ZNF804B: variants seen among roughly 807,000 people sequenced by gnomAD.
ZNF804B encodes zinc finger protein 804B.
ZNF804B carries 80 observed loss-of-function variants against 101.4 expected under a neutral mutation model. That is an observed-to-expected ratio of 0.79 (90% CI 0.66 to 0.95). The LOEUF (loss-of-function observed/expected upper bound fraction) is 0.95, where lower values mean the gene tolerates loss of function less well. ZNF804B is among the 40% of genes least tolerant of loss of function. The pLI, the probability that ZNF804B is intolerant of heterozygous loss-of-function variation, is 0.00. For missense variants in ZNF804B, 1,673 were observed against 1,561.9 expected (o/e 1.07, Z -1.20); for synonymous variants, 622 against 558.8 (o/e 1.11, Z -1.59).
chr7:89,246,792 C>T lies in ZNF804B; in HGVS notation c.249+28497C>T, dbSNP rs149581864. 3.2e-3 allele frequency among the ~76,000 whole-genome samples: 483 copies of T among 152,254 alleles called. 4 individuals carry two copies. Among genetic ancestry groups the T allele is most frequent in the African/African-American group, 0.011 (450 of 41,558 alleles). On this transcript the variant is annotated intron_variant, in intron 2 of 3. Coordinates refer to ENST00000333190, the MANE Select transcript of ZNF804B (RefSeq NM_181646.5). ...ATAGATTGTGGTGCAATAGGACCCT[C>T]TCTACTCCATACTTAGGCATATCTC...
At chr7:88,874,626 T>C (rs954237531) in intron 1 of ZNF804B, among the ~76,000 whole-genome samples, 3 of 152,188 alleles carry the variant, frequency 2.0e-5, no homozygotes, top group African/African-American at 7.2e-5. Flanking sequence ...ATAGCTCTTA[T>C]TATTTTGAGA....
intron 1 of ZNF804B, among the ~76,000 whole-genome samples, chr7:88,796,602 T>C (rs1444264379): frequency 1.3e-5 from 2 of 152,140 alleles, no homozygotes; most frequent in Non-Finnish European, 2.9e-5. Context: ...TACTGCACTT[T>C]CTTGGATTTC....
intron 1 of ZNF804B, among the ~76,000 whole-genome samples, chr7:89,091,823 T>A (rs1789892510): frequency 1.3e-5 from 2 of 152,166 alleles, no homozygotes; most frequent in South Asian, 4.1e-4. Context: ...GGTTTTCTTC[T>A]CTCCTTGTCT....
At chr7:88,801,347 T>C (rs1039423724) in intron 1 of ZNF804B, among the ~76,000 whole-genome samples, 14 of 151,982 alleles carry the variant, frequency 9.2e-5, no homozygotes, top group Non-Finnish European at 1.8e-4. Context: ...GGAGGACTTC[T>C]ATGCCACGCT....
chr7:89,288,476 A>G (rs1267895676), intron 2 of ZNF804B, among the ~76,000 whole-genome samples: 3 of 152,230 alleles, frequency 2.0e-5, no homozygotes, highest in Admixed American at 6.5e-5. Flanking sequence ...AACACAGCTG[A>G]CAAGATCTAC....
At chr7:89,090,566 G>A (rs983259348) in intron 1 of ZNF804B, among the ~76,000 whole-genome samples, 1 of 151,922 alleles carries the variant, frequency 6.6e-6, no homozygotes, top group African/African-American at 2.4e-5. Flanking sequence ...GTATTTAGTA[G>A]CCTCATGATG....
intron 1 of ZNF804B, among the ~76,000 whole-genome samples, chr7:88,997,803 T>C (rs534981982): frequency 6.6e-6 from 1 of 152,258 alleles, no homozygotes; most frequent in African/African-American, 2.4e-5. Context: ...ATCGCACCAC[T>C]CAAAATTTGG....
At chr7:88,760,374 A>G (rs956662827) in intron 1 of ZNF804B, among the ~76,000 whole-genome samples, 8 of 152,240 alleles carry the variant, frequency 5.3e-5, no homozygotes, top group Non-Finnish European at 1.0e-4. Context: ...CTCAGAAGGT[A>G]GCTCCTCTGT....
intron 2 of ZNF804B, among the ~76,000 whole-genome samples, chr7:89,326,952 AC>A (rs1461814015): frequency 6.8e-6 from 1 of 146,606 alleles, no homozygotes; most frequent in African/African-American, 2.8e-5. Context: ...TAATAGCATC[AC>A]TTTTACAAGT....
intron 1 of ZNF804B, among the ~76,000 whole-genome samples, chr7:89,089,775 G>C (rs747132749): frequency 1.3e-5 from 2 of 151,908 alleles, no homozygotes; most frequent in Non-Finnish European, 2.9e-5. Context: ...TAAAATGCAG[G>C]TGTTGTATTT....
At chr7:89,163,822 C>A (rs1791103366) in intron 1 of ZNF804B, among the ~76,000 whole-genome samples, 1 of 151,920 alleles carries the variant, frequency 6.6e-6, no homozygotes, top group Admixed American at 6.6e-5. Context: ...AGGTGTCGTC[C>A]TTTAAATGAA....
intron 1 of ZNF804B, among the ~76,000 whole-genome samples, chr7:89,173,022 A>C (rs143482055): frequency 5.9e-5 from 9 of 152,264 alleles, no homozygotes; most frequent in Non-Finnish European, 1.0e-4. Flanking sequence ...ATTCAAGGCA[A>C]TGATTACAAT....
chr7:89,322,739 A>G (rs954657269), intron 2 of ZNF804B, among the ~76,000 whole-genome samples: 3 of 152,194 alleles, frequency 2.0e-5, no homozygotes, highest in Non-Finnish European at 2.9e-5. Context: ...TAAAAAATCT[A>G]TTTTGTCTTA....
intron 1 of ZNF804B, among the ~76,000 whole-genome samples, chr7:88,821,915 G>A (rs1429834613): frequency 6.6e-6 from 1 of 152,106 alleles, no homozygotes; most frequent in Non-Finnish European, 1.5e-5. Flanking sequence ...GAAGCAAAAA[G>A]TATGAGGAAT....
At chr7:89,029,789 C>T (rs1788803204) in intron 1 of ZNF804B, among the ~76,000 whole-genome samples, 1 of 152,042 alleles carries the variant, frequency 6.6e-6, no homozygotes, top group African/African-American at 2.4e-5. Flanking sequence ...TTAGATTATC[C>T]TTTCAGTAAT....
Position 88,829,316 on chromosome 7 carries a change from A to G in ZNF804B, c.108+69232A>G, listed in dbSNP as rs549814383. ...GTGAAGGCTACATTGACCAGGCCAT[A>G]GTTCTGGATTAATTCTCCCAAAGCC... is the stretch of plus-strand genomic sequence containing the variant. On this transcript the variant is annotated intron_variant, in intron 1 of 3. Coordinates refer to ENST00000333190, the MANE Select transcript of ZNF804B (RefSeq NM_181646.5). Among the ~76,000 whole-genome samples the G allele has an allele frequency of 2.8e-4, 43 of 152,082 alleles. 2 individuals are homozygous for G. The South Asian group carries it at 8.9e-3, about 32-fold the overall frequency.
intron 2 of ZNF804B, among the ~76,000 whole-genome samples, chr7:89,277,595 C>T (rs1279766679): frequency 1.3e-5 from 2 of 148,202 alleles, no homozygotes; most frequent in Admixed American, 6.8e-5. Flanking sequence ...TGAGAATATG[C>T]GGTGTTTGGT....
In ZNF804B at chr7:88,811,779, A is replaced by G. The variant is rs189418322; in HGVS notation, c.108+51695A>G. Among the ~76,000 whole-genome samples the G allele has an allele frequency of 2.8e-4, 42 of 152,286 alleles. 1 individual carries two copies. The highest frequency in any genetic ancestry group is 4.6e-4 in the Admixed American group (7 of 15,294). On this transcript the variant is annotated intron_variant, in intron 1 of 3. Coordinates refer to ENST00000333190, the MANE Select transcript of ZNF804B (RefSeq NM_181646.5). Reference sequence around the variant, plus strand: ...TAAGTAGGAGCTGAACAATGAGAACATATAGACATAGGAAGGGGAATAACA... The same window carrying G: ...TAAGTAGGAGCTGAACAATGAGAACGTATAGACATAGGAAGGGGAATAACA...
chr7:88,830,252 A>G (rs114948758), intron 1 of ZNF804B, among the ~76,000 whole-genome samples: 1,740 of 152,236 alleles, frequency 0.011, 30 homozygotes, highest in African/African-American at 0.039. Flanking sequence ...ATGTTGATCA[A>G]ATTAGCCAGA....
Sources: gnomAD v4.1 joint callset for allele counts (sites outside exome capture counted in the v4.1 genomes callset) on GRCh38, gnomAD v4.1.1 for gene constraint, MANE v1.5 for transcripts, NCBI Gene and HGNC (gene_info 2026-07-23, HGNC 2026-07-21) for gene names.